The following GADL1 variants were observed in gnomAD, a reference collection of about 807,000 sequenced individuals.
GADL1 encodes GAD like acidic amino acid decarboxylase 1.
A neutral mutation model predicts 69.5 loss-of-function variants in GADL1; 71 were observed. That is an observed-to-expected ratio of 1.02 (90% CI 0.84 to 1.25). The LOEUF (loss-of-function observed/expected upper bound fraction) is 1.25, where lower values mean the gene tolerates loss of function less well. Among genes scored for constraint, GADL1 ranks in the 50% most tolerant of loss-of-function variants. The pLI is 0.00. For missense variants in GADL1, 737 were observed against 631.8 expected (o/e 1.17, Z -1.79); for synonymous variants, 254 against 214.4 (o/e 1.18, Z -1.62).
intron 14 of GADL1, among the ~76,000 whole-genome samples, chr3:30,769,233 C>T (rs1301603166): frequency 3.3e-5 from 5 of 152,178 alleles, no homozygotes. Context: ...GGATCTTATT[C>T]AGTGCTCGTA....
chr3:30,751,937 G>A (rs923271049), intron 14 of GADL1, among the ~76,000 whole-genome samples: 3 of 152,346 alleles, frequency 2.0e-5, no homozygotes, highest in Admixed American at 2.0e-4. Flanking sequence ...GAATGGCAAA[G>A]GGTAATGAGG....
chr3:30,803,454 T>C (rs1697198414), intron 11 of GADL1, among the ~76,000 whole-genome samples: 1 of 150,238 alleles, frequency 6.7e-6, no homozygotes, highest in African/African-American at 2.4e-5. Context: ...CCATGAAAGA[T>C]TAAAAATCCC....
intron 2 of GADL1, 69 bp downstream of exon 2, chr3:30,861,524 C>T: frequency 8.6e-7 from 1 of 1,165,346 alleles, no homozygotes; most frequent in Non-Finnish European, 1.2e-6. Flanking sequence ...GCTTTCTATT[C>T]AGCCATACTG....
chr3:30,889,473 T>C (rs1262205390), intron 1 of GADL1, among the ~76,000 whole-genome samples: 1 of 152,218 alleles, frequency 6.6e-6, no homozygotes, highest in African/African-American at 2.4e-5. Context: ...ACAGGAGGTA[T>C]TCGTGAACTG....
intron 13 of GADL1, among the ~76,000 whole-genome samples, chr3:30,785,431 C>A (rs1412506262): frequency 1.3e-5 from 2 of 148,860 alleles, no homozygotes; most frequent in Non-Finnish European, 3.0e-5. Context: ...GTTGCCCAGG[C>A]TGGAGTGCAA....
At chr3:30,730,368 G>T (rs2125468100) in intron 14 of GADL1, among the ~76,000 whole-genome samples, 1 of 152,302 alleles carries the variant, frequency 6.6e-6, no homozygotes, top group Admixed American at 6.5e-5. Flanking sequence ...GATAAAGGGG[G>T]ATGGCTAAAC....
At chr3:30,739,935 G>T (rs973231261) in intron 14 of GADL1, among the ~76,000 whole-genome samples, 2 of 152,130 alleles carry the variant, frequency 1.3e-5, no homozygotes, top group African/African-American at 4.8e-5. Flanking sequence ...GTAATGAAAT[G>T]CTTTTGATTT....
intron 11 of GADL1, among the ~76,000 whole-genome samples, chr3:30,807,570 T>A: frequency 6.6e-6 from 1 of 152,106 alleles, no homozygotes; most frequent in Non-Finnish European, 1.5e-5. Flanking sequence ...TCACATAAAA[T>A]AAGAATGACC....
intron 8 of GADL1, among the ~76,000 whole-genome samples, chr3:30,842,556 G>T (rs1697984961): frequency 1.3e-5 from 2 of 151,876 alleles, no homozygotes; most frequent in South Asian, 4.2e-4. Flanking sequence ...AATGGAGAAA[G>T]GGAGGAAGGA....
chr3:30,806,050 C>A (rs1288357313), intron 11 of GADL1, among the ~76,000 whole-genome samples: 3 of 151,982 alleles, frequency 2.0e-5, no homozygotes, highest in Non-Finnish European at 2.9e-5. Context: ...TGAACCGGTA[C>A]AGGTCTGTGG....
Position 30,839,009 on chromosome 3 carries a change from C to G in GADL1, c.891G>C (p.Trp297Cys). The change falls in exon 9 of 15, where the codon TGG becomes TGC. Residue 297 changes from tryptophan (W) to cysteine (C), a missense_variant. Coordinates refer to ENST00000282538, the MANE Select transcript of GADL1 (RefSeq NM_207359.3). ...IADICERHSLWLHVDASWGGS... is the reference protein window; with the variant it reads ...IADICERHSLCLHVDASWGGS... ...TAAATGAACTTACATCTACATGAAG[C>G]CAGAGGCTGTGCCTCTCGCAGATGT... The G allele has an allele frequency of 6.3e-7, 1 of 1,592,498 alleles. No individual in the cohort carries two copies. The highest frequency in any genetic ancestry group is 8.6e-7 in the Non-Finnish European group (1 of 1,167,334).
intron 14 of GADL1, among the ~76,000 whole-genome samples, chr3:30,755,222 C>T (rs758805787): frequency 1.3e-4 from 20 of 152,054 alleles, no homozygotes; most frequent in Non-Finnish European, 2.4e-4. Flanking sequence ...GTCTTGCATG[C>T]AATAGGAGAT....
At chr3:30,798,493 T>C (rs1021890363) in intron 12 of GADL1, 1 of 152,190 alleles carries the variant, frequency 6.6e-6, no homozygotes, top group African/African-American at 2.4e-5. Flanking sequence ...ACCACCCCCA[T>C]GATTCATATT....
intron 11 of GADL1, among the ~76,000 whole-genome samples, chr3:30,825,712 A>T (rs1368708391): frequency 2.0e-5 from 3 of 151,344 alleles, no homozygotes; most frequent in Admixed American, 6.6e-5. Context: ...TAAGTGGGAG[A>T]TAAACAATGA....
intron 14 of GADL1, among the ~76,000 whole-genome samples, chr3:30,767,819 C>A (rs962547179): frequency 1.3e-5 from 2 of 152,150 alleles, no homozygotes; most frequent in Middle Eastern, 3.4e-3. Flanking sequence ...TATTTGCATT[C>A]CATGCTACAA....
At chr3:30,732,533 A>G (rs975759931) in intron 14 of GADL1, among the ~76,000 whole-genome samples, 3 of 152,156 alleles carry the variant, frequency 2.0e-5, no homozygotes, top group African/African-American at 7.2e-5. Context: ...CTCGTTGCAC[A>G]TCGCTGTAGC....
At chr3:30,825,428 A>G (rs1345329416) in intron 11 of GADL1, among the ~76,000 whole-genome samples, 1 of 151,978 alleles carries the variant, frequency 6.6e-6, no homozygotes, top group Non-Finnish European at 1.5e-5. Flanking sequence ...ACTTTGAATC[A>G]CTATGGAACA....
chr3:30,806,377 G>T (rs1156649628), intron 11 of GADL1, among the ~76,000 whole-genome samples: 2 of 152,118 alleles, frequency 1.3e-5, no homozygotes, highest in Non-Finnish European at 2.9e-5. Flanking sequence ...AATATTTGTT[G>T]GCGTAATGTG....
intron 1 of GADL1, among the ~76,000 whole-genome samples, chr3:30,865,663 C>T (rs774996161): frequency 1.3e-5 from 2 of 151,956 alleles, no homozygotes; most frequent in African/African-American, 2.4e-5. Flanking sequence ...GAAAGAACCC[C>T]GGGAACAGTC....
Sources: allele counts gnomAD v4.1 joint callset (sites outside exome capture counted in the v4.1 genomes callset), GRCh38; gene constraint gnomAD v4.1.1; transcripts MANE v1.5; gene names NCBI Gene and HGNC (gene_info 2026-07-23, HGNC 2026-07-21).